The following RBBP8 variants were observed in gnomAD, a reference collection of about 807,000 sequenced individuals.
RBBP8 encodes the protein DNA endonuclease RBBP8.
RBBP8 carries 88 observed loss-of-function variants against 108.3 expected under a neutral mutation model. The ratio of observed to expected loss-of-function variants is 0.81; its 90% CI spans 0.68 to 0.97. The LOEUF is 0.97. Among genes scored for constraint, RBBP8 ranks in the 50% least tolerant of loss-of-function variants. RBBP8 has a pLI of 0.00. For synonymous variants in RBBP8, 332 were observed against 348.2 expected, an observed-to-expected ratio of 0.95 and a Z score of 0.52; for missense variants, 1,023 against 1,049.0, an observed-to-expected ratio of 0.98 and a Z score of 0.34.
intron 17 of RBBP8, among the ~76,000 whole-genome samples, chr18:23,018,460 G>T (rs2046298329): frequency 6.6e-6 from 1 of 152,182 alleles, no homozygotes; most frequent in African/African-American, 2.4e-5. Context: ...TACAGACATT[G>T]CTTTGTATCT....
chr18:22,954,651 A>C (rs1912351110), intron 4 of RBBP8, among the ~76,000 whole-genome samples: 1 of 152,136 alleles, frequency 6.6e-6, no homozygotes, highest in Non-Finnish European at 1.5e-5. Context: ...CTGGAGGATG[A>C]TGGCCGTCTT....
chr18:22,929,475 TG>T (rs1909915744), upstream of RBBP8: 1 of 4,426 alleles, frequency 2.3e-4, no homozygotes, highest in Non-Finnish European at 4.2e-4. Flanking sequence ...GGTGTGTGTG[TG>T]TGTGTGTGTG....
At chr18:22,977,196 A>AGTTTT (rs113914634) in intron 6 of RBBP8, among the ~76,000 whole-genome samples, 2,520 of 151,926 alleles carry the variant, frequency 0.017, 64 homozygotes, top group African/African-American at 0.057. Flanking sequence ...TTTGCTCAGC[A>AGTTTT]GTTTTGTTTT....
chr18:22,936,581 C>T (rs1332873603), intron 1 of RBBP8, among the ~76,000 whole-genome samples, 173 bp from the exon 2 acceptor site: 1 of 152,180 alleles, frequency 6.6e-6, no homozygotes, highest in African/African-American at 2.4e-5. Flanking sequence ...GAACTTTTCT[C>T]ACCATTATCA....
chr18:23,022,637 T>TAAATAAAAAATATA (rs1324437857), intron 18 of RBBP8, among the ~76,000 whole-genome samples: 1 of 78,052 alleles, frequency 1.3e-5, no homozygotes, highest in Non-Finnish European at 2.6e-5. Flanking sequence ...TAAAATAAAA[T>TAAATAAAAAATATA]AAATAAAATA....
intron 2 of RBBP8, among the ~76,000 whole-genome samples, chr18:22,944,403 T>C (rs192807977): frequency 6.6e-6 from 1 of 152,336 alleles, no homozygotes; most frequent in Non-Finnish European, 1.5e-5. Context: ...GCTGCACTTT[T>C]CACTTTTAAA....
chr18:22,929,213 A>C (rs1394249423), upstream of RBBP8, among the ~76,000 whole-genome samples: 1 of 152,206 alleles, frequency 6.6e-6, no homozygotes, highest in Non-Finnish European at 1.5e-5. Context: ...TCGTCCTGAC[A>C]CCATGGAAAG....
intron 17 of RBBP8, 136 bp from the exon 18 acceptor site, chr18:23,021,993 A>G: frequency 1.4e-6 from 1 of 712,924 alleles, no homozygotes. Context: ...TAATAGTATC[A>G]TCAATGAGGA....
chr18:22,983,803 C>T (rs1047164354), intron 7 of RBBP8, among the ~76,000 whole-genome samples: 6 of 47,626 alleles, frequency 1.3e-4, no homozygotes, highest in Admixed American at 3.1e-4. Flanking sequence ...ATTTTAAGGC[C>T]GGGCACGGTG....
At chr18:22,965,691 C>A (rs560441835) in intron 4 of RBBP8, among the ~76,000 whole-genome samples, 2 of 149,778 alleles carry the variant, frequency 1.3e-5, no homozygotes, top group Non-Finnish European at 2.9e-5. Flanking sequence ...AAGGGGTAAT[C>A]ACTTGACTGC....
intron 14 of RBBP8, among the ~76,000 whole-genome samples, chr18:22,998,357 A>G (rs1317066783): frequency 6.6e-6 from 1 of 152,144 alleles, no homozygotes; most frequent in African/African-American, 2.4e-5. Flanking sequence ...TGATAAGGCA[A>G]TTTGGCCAAA....
chr18:22,949,892 G>C lies in RBBP8; in HGVS notation c.248+179G>C, dbSNP rs9807119. On this transcript the variant is annotated intron_variant, in intron 4 of 18. Coordinates refer to ENST00000327155, the MANE Select transcript of RBBP8 (RefSeq NM_002894.3). ...ATTCTTTAAGATTTTCATTAATTCT[G>C]AGATCACATCAGTTTACCCTTTAAA... The C allele has an allele frequency of 0.14, 78,087 of 578,188 alleles. 7,136 individuals are homozygous for C. Among genetic ancestry groups the C allele is most frequent in the African/African-American group, 0.35 (18,684 of 53,394 alleles). The allele number at this position is 578,188 out of a possible 1,614,324, so 35.8% of individuals were successfully genotyped here.
chr18:23,007,201 A>G (rs890134258), intron 16 of RBBP8, among the ~76,000 whole-genome samples: 3 of 150,940 alleles, frequency 2.0e-5, no homozygotes, highest in Non-Finnish European at 4.4e-5. Flanking sequence ...GTGTATTTTT[A>G]TTAGAGATGG....
intron 4 of RBBP8, among the ~76,000 whole-genome samples, chr18:22,959,977 C>T (rs574811807): frequency 5.9e-4 from 88 of 149,866 alleles, no homozygotes; most frequent in African/African-American, 1.9e-3. Context: ...CTGCAAGCTC[C>T]GCCTCCCAGG....
rs1297511133 is a variant in RBBP8 at position 22,996,513 on chromosome 18, T to C, written c.2028+51T>C. 3 of 1,599,788 alleles carry C rather than the reference T, an allele frequency of 1.9e-6. No homozygotes were observed. The Admixed American group carries it at 5.1e-5, about 27-fold the overall frequency. ...TCATTTGACTTTTATTCCAATGAGT[T>C]GTTAGTCAACCTCCTCTCGTGACTC... is the stretch of plus-strand genomic sequence containing the variant. On this transcript the variant is annotated intron_variant, in intron 13 of 18. Transcript: ENST00000327155.
In RBBP8 at chr18:22,937,208, CT is replaced by C. The variant is rs1382730337; in HGVS notation, c.109+249del. 1.4e-5 allele frequency: 8 copies of C among 574,854 alleles called. No homozygotes were observed. In the East Asian group the frequency reaches 1.9e-4, roughly 13 times the overall value. The allele number at this position is 574,854 out of a possible 1,614,324, so 35.6% of individuals were successfully genotyped here. On this transcript the variant is annotated intron_variant, in intron 2 of 18. Coordinates refer to ENST00000327155, the MANE Select transcript of RBBP8 (RefSeq NM_002894.3). The stretch of plus-strand genomic sequence containing the variant: ...CAATCCCCACCCTCTTCCCACCCCC[CT>C]GACCCTCCACCCTCATGTAGGTCCC...
At chr18:22,955,844 T>G (rs1380395796) in intron 4 of RBBP8, among the ~76,000 whole-genome samples, 1 of 152,220 alleles carries the variant, frequency 6.6e-6, no homozygotes, top group African/African-American at 2.4e-5. Context: ...CCTCCCAAAG[T>G]GCTGGGATTA....
intron 14 of RBBP8, among the ~76,000 whole-genome samples, chr18:23,001,140 C>T (rs2045940048): frequency 6.6e-6 from 1 of 152,180 alleles, no homozygotes; most frequent in African/African-American, 2.4e-5. Context: ...TTGTTACTCA[C>T]TTATATTCAC....
At chr18:23,001,797 A>G (rs1164298298) in intron 15 of RBBP8, 68 bp downstream of exon 15, 7 of 1,558,642 alleles carry the variant, frequency 4.5e-6, no homozygotes, top group Non-Finnish European at 5.3e-6. Context: ...TTATCAAGCT[A>G]ATTAACAAAG....
Sources: allele counts gnomAD v4.1 joint callset (sites outside exome capture counted in the v4.1 genomes callset), GRCh38; gene constraint gnomAD v4.1.1; transcripts MANE v1.5; gene names NCBI Gene and HGNC (gene_info 2026-07-23, HGNC 2026-07-21).